The following MTDH variants were observed in gnomAD, a reference collection of about 807,000 sequenced individuals.
MTDH encodes the protein metadherin.
MTDH carries 34 observed loss-of-function variants against 72.7 expected under a neutral mutation model. The ratio of observed to expected loss-of-function variants is 0.47; its 90% CI spans 0.36 to 0.62. The LOEUF (loss-of-function observed/expected upper bound fraction) is 0.62, where lower values mean the gene tolerates loss of function less well. Ranked by LOEUF, MTDH falls within the 20% of genes least tolerant of loss-of-function variation. MTDH has a pLI of 0.00. For synonymous variants in MTDH, 266 were observed against 268.9 expected (o/e 0.99, Z 0.10); for missense variants, 677 against 699.4 (o/e 0.97, Z 0.36).
chr8:97,702,352 C>T (rs1269227778), intron 7 of MTDH, among the ~76,000 whole-genome samples: 2 of 152,188 alleles, frequency 1.3e-5, no homozygotes, highest in Non-Finnish European at 2.9e-5. Flanking sequence ...ATCTTAACTT[C>T]CCTGCCTTTG....
At chr8:97,661,833 C>G (rs140572024) in intron 2 of MTDH, among the ~76,000 whole-genome samples, 32 of 151,030 alleles carry the variant, frequency 2.1e-4, no homozygotes, top group South Asian at 6.3e-4. Flanking sequence ...GTCCTAGCTA[C>G]TCAGCAGGCT....
intron 2 of MTDH, among the ~76,000 whole-genome samples, chr8:97,681,158 T>C (rs2130983521): frequency 6.6e-6 from 1 of 152,124 alleles, no homozygotes; most frequent in Admixed American, 6.5e-5. Flanking sequence ...ATTTCAGGCA[T>C]TGAACATCGG....
intron 2 of MTDH, among the ~76,000 whole-genome samples, chr8:97,681,211 A>C (rs1255080301): frequency 6.6e-6 from 1 of 152,114 alleles, no homozygotes. Context: ...TCACTCCAGC[A>C]CTTTGTTCTG....
chr8:97,694,767 C>T lies in MTDH; in HGVS notation c.1048+3579C>T, dbSNP rs1224461918. 4.0e-5 allele frequency among the ~76,000 whole-genome samples: 6 copies of T among 151,824 alleles called. No individual in the cohort carries two copies. The East Asian group carries it at 1.2e-3, about 30-fold the overall frequency. On this transcript the variant is annotated intron_variant, in intron 6 of 11. Coordinates refer to ENST00000336273, the MANE Select transcript of MTDH (RefSeq NM_178812.4). ...GTGAAACCTTGTCTGTACTAAAATA[C>T]AAAAAAATCGCTGGGCATGGTGGCA...
intron 2 of MTDH, among the ~76,000 whole-genome samples, chr8:97,665,397 C>G (rs1812341194): frequency 6.6e-6 from 1 of 152,088 alleles, no homozygotes; most frequent in African/African-American, 2.4e-5. Flanking sequence ...GGACGATTAG[C>G]CAGACTGAAT....
At chr8:97,713,580 A>G in intron 8 of MTDH, 82 bp from the exon 9 acceptor site, 1 of 774,914 alleles carries the variant, frequency 1.3e-6, no homozygotes, top group Non-Finnish European at 2.1e-6. Flanking sequence ...TACCTAATGA[A>G]TGAAATTATT....
chr8:97,706,484 T>C (rs1363340951), intron 7 of MTDH, 142 bp from the exon 8 acceptor site: 4 of 620,746 alleles, frequency 6.4e-6, no homozygotes, highest in East Asian at 3.3e-5. Flanking sequence ...ATGTTATTTT[T>C]TTTTCTGGCT....
chr8:97,644,793 C>G lies in MTDH; in HGVS notation c.287C>G (p.Pro96Arg), dbSNP rs535629753. Residue 96 changes from proline to arginine, a missense_variant, in exon 1 of 12, where the codon CCG becomes CGG. By Grantham distance (103) the Pro-to-Arg change is moderately radical (BLOSUM62 -2). Around this residue, in one of 3 missense-constraint regions of MTDH, gnomAD observed 467 missense variants for 469.1 expected, o/e 1.00. Coordinates refer to ENST00000336273, the MANE Select transcript of MTDH (RefSeq NM_178812.4). ...AAGCGGGAGGAGGCGGCGGCCGTGC[C>G]GGCCGCGGCCCCCGACGACCTGGCC... The part of the protein sequence containing the change: ...PRKREEAAAV[P>R]AAAPDDLALL... 1.1e-5 allele frequency: 17 copies of G among 1,549,244 alleles called. No homozygotes were observed. Among genetic ancestry groups the G allele is most frequent in the South Asian group, 3.6e-5 (3 of 84,002 alleles).
At chr8:97,650,077 C>T (rs565507153) in intron 1 of MTDH, among the ~76,000 whole-genome samples, 1 of 152,146 alleles carries the variant, frequency 6.6e-6, no homozygotes, top group Non-Finnish European at 1.5e-5. Context: ...CTGCCTCAGC[C>T]TCCTGAGTAG....
intron 2 of MTDH, among the ~76,000 whole-genome samples, chr8:97,676,879 C>A (rs1195794766): frequency 2.0e-5 from 3 of 151,658 alleles, no homozygotes; most frequent in African/African-American, 7.3e-5. Context: ...GTGGCACATA[C>A]CCGTAGTCCC....
intron 1 of MTDH, 114 bp from the exon 2 acceptor site, chr8:97,660,956 TAA>T: frequency 1.6e-6 from 1 of 642,956 alleles, no homozygotes; most frequent in Non-Finnish European, 2.5e-6. Context: ...AAAAACTTTT[TAA>T]ATTTAGGTAC....
chr8:97,678,396 A>C (rs1396442746), intron 2 of MTDH, among the ~76,000 whole-genome samples: 1 of 152,206 alleles, frequency 6.6e-6, no homozygotes, highest in Non-Finnish European at 1.5e-5. Flanking sequence ...CCAGATGGCA[A>C]ATTGGAAGAC....
chr8:97,652,161 G>A (rs574813387), intron 1 of MTDH, among the ~76,000 whole-genome samples: 1 of 152,262 alleles, frequency 6.6e-6, no homozygotes, highest in African/African-American at 2.4e-5. Context: ...AAATCACTAT[G>A]CTGCCTAAAA....
At chr8:97,650,870 C>T (rs995496512) in intron 1 of MTDH, among the ~76,000 whole-genome samples, 4 of 152,204 alleles carry the variant, frequency 2.6e-5, no homozygotes, top group African/African-American at 9.7e-5. Flanking sequence ...CCTGGGACCA[C>T]AGGCACACAC....
chr8:97,661,122 T>G lies in MTDH; in HGVS notation c.432T>G (p.Pro144=). The part of the protein sequence containing the change: ...EVAEGEAVRT[P]QSVTAKQPPE... ...CTGAGGGTGAAGCTGTTCGAACACC[T>G]CAAAGTGTAACAGCAAAGCAGCCAC... Residue 144 remains proline, a synonymous_variant, in exon 2 of 12, where the codon CCT becomes CCG. Transcript: ENST00000336273. 6.2e-7 allele frequency: 1 copy of G among 1,613,056 alleles called. No individual in the cohort carries two copies. The highest frequency in any genetic ancestry group is 8.5e-7 in the Non-Finnish European group (1 of 1,179,564).
At chr8:97,711,536 A>ACCCCTT (rs1814636743) in intron 8 of MTDH, among the ~76,000 whole-genome samples, 9 of 151,848 alleles carry the variant, frequency 5.9e-5, no homozygotes, top group Admixed American at 5.9e-4. Flanking sequence ...GATCCCCTGT[A>ACCCCTT]CCCCTTTTAC....
intron 1 of MTDH, among the ~76,000 whole-genome samples, chr8:97,660,159 CAAAA>C (rs200417228): frequency 4.0e-5 from 6 of 151,402 alleles, no homozygotes; most frequent in African/African-American, 1.5e-4. Flanking sequence ...AACTCCGTCT[CAAAA>C]AAAAGGTAAA....
At chr8:97,665,359 A>G (rs561820616) in intron 2 of MTDH, among the ~76,000 whole-genome samples, 1 of 152,328 alleles carries the variant, frequency 6.6e-6, no homozygotes, top group South Asian at 2.1e-4. Flanking sequence ...GTGTTTCATT[A>G]GTACTAGTCT....
intron 6 of MTDH, among the ~76,000 whole-genome samples, chr8:97,697,468 C>T (rs775707674): frequency 4.8e-5 from 7 of 147,342 alleles, no homozygotes; most frequent in South Asian, 2.2e-4. Context: ...TCACGGCAAC[C>T]TCCGCCTCCC....
Sources: gnomAD v4.1 joint callset for allele counts (sites outside exome capture counted in the v4.1 genomes callset) on GRCh38, gnomAD v4.1.1 for gene constraint, gnomAD v4.1.1 regional missense constraint, MANE v1.5 for transcripts, NCBI Gene and HGNC (gene_info 2026-07-23, HGNC 2026-07-21) for gene names.